Variants in CADPS observed in about 807,000 individuals in gnomAD.
CADPS encodes the protein calcium dependent secretion activator.
A neutral mutation model predicts 167.3 loss-of-function variants in CADPS; 57 were observed. The observed-to-expected ratio is 0.34, with a 90% CI of 0.28 to 0.42. The LOEUF (loss-of-function observed/expected upper bound fraction) is 0.42, where lower values mean the gene tolerates loss of function less well. Ranked by LOEUF, CADPS falls within the 20% of genes least tolerant of loss-of-function variation. The pLI, the probability that CADPS is intolerant of heterozygous loss-of-function variation, is 1.00. For synonymous variants in CADPS, 676 were observed against 635.3 expected, an observed-to-expected ratio of 1.06 and a Z score of -0.96; for missense variants, 1,414 against 1,738.1, an observed-to-expected ratio of 0.81 and a Z score of 3.32.
In CADPS at chr3:62,433,596, T is replaced by C. The variant is rs2054404807; in HGVS notation, c.3777+4508A>G. Among the ~76,000 whole-genome samples the C allele has an allele frequency of 6.6e-6, 1 of 152,154 alleles. No homozygotes were observed. Among genetic ancestry groups the C allele is most frequent in the African/African-American group, 2.4e-5 (1 of 41,430 alleles). On this transcript the variant is annotated intron_variant, in intron 28 of 29. Coordinates refer to ENST00000383710, the MANE Select transcript of CADPS (RefSeq NM_003716.4). The surrounding 1 kb of genome is among the most constrained non-coding windows in gnomAD (Gnocchi z 4.7). ...GCCTGGTTCCCAATGACACGGGGCC[T>C]GAAGAAAGCCAGTGCGGATGCGGCA...
chr3:62,399,497 A>C lies in CADPS; in HGVS notation c.3971T>G (p.Val1324Gly), dbSNP rs1575521539. ...TYETIRNRLT[V>G]EEATASVSEG... ...ACTCACTGATGCTGTGGCTTCCTCC[A>C]CAGTGAGACGGTTCCGGATCGTTTC... Residue 1324 changes from valine to glycine, a missense_variant, in exon 30 of 30, where the codon GTG (valine) becomes GGG (glycine). Physicochemically the swap from Val to Gly is moderately radical, Grantham distance 109. This residue lies in a region of CADPS where 185 missense variants were observed against 251.5 expected (regional missense o/e 0.74). Coordinates refer to ENST00000383710, the MANE Select transcript of CADPS (RefSeq NM_003716.4). This position sits in a 1 kb window ranked among gnomAD's most constrained non-coding sequence, Gnocchi z 5.6. 1 of 1,613,958 alleles carries C rather than the reference A, an allele frequency of 6.2e-7. No homozygotes were observed. Among genetic ancestry groups the C allele is most frequent in the East Asian group, 2.2e-5 (1 of 44,888 alleles).
intron 1 of CADPS, among the ~76,000 whole-genome samples, chr3:62,777,159 G>T (rs563798720): frequency 6.6e-6 from 1 of 152,184 alleles, no homozygotes; most frequent in East Asian, 1.9e-4. Context: ...CACCATCTTG[G>T]GTCTTATAAG....
chr3:62,438,090 A>C lies in CADPS; in HGVS notation c.3777+14T>G. 1 of 1,553,700 alleles carries C rather than the reference A, an allele frequency of 6.4e-7. No homozygotes were observed. Among genetic ancestry groups the C allele is most frequent in the Non-Finnish European group, 8.9e-7 (1 of 1,125,986 alleles). The stretch of plus-strand genomic sequence containing the variant: ...TCCTCCTTGGTTTTCAAGGAGGAGA[A>C]GGCATTTACTTACATCAAATAACCT... On this transcript the variant is annotated intron_variant, in intron 28 of 29. Coordinates refer to ENST00000383710, the MANE Select transcript of CADPS (RefSeq NM_003716.4). The surrounding 1 kb of genome is among the most constrained non-coding windows in gnomAD (Gnocchi z 4.7).
chr3:62,749,024 A>C (rs1052681497), intron 3 of CADPS, among the ~76,000 whole-genome samples: 2 of 147,156 alleles, frequency 1.4e-5, no homozygotes, highest in Non-Finnish European at 2.9e-5. Flanking sequence ...AATTCAACTC[A>C]AATAGCTACA....
In CADPS at chr3:62,753,903, C is replaced by T. The variant is rs1012329368; in HGVS notation, c.556-130G>A. 3.9e-6 allele frequency: 3 copies of T among 769,534 alleles called. No homozygotes were observed. Among genetic ancestry groups the T allele is most frequent in the Non-Finnish European group, 2.1e-6 (1 of 478,928 alleles). The allele number at this position is 769,534 out of a possible 1,614,324, so 47.7% of individuals were successfully genotyped here. A position where few individuals can be genotyped will look rare whatever the true frequency, so the allele number is the denominator to read the frequency against. On this transcript the variant is annotated intron_variant, in intron 2 of 29. Coordinates refer to ENST00000383710, the MANE Select transcript of CADPS (RefSeq NM_003716.4). This position sits in a 1 kb window ranked among gnomAD's most constrained non-coding sequence, Gnocchi z 4.6. ...AGGAACCACTGTGGGTCTCACCCTG[C>T]CCCACCACCTCCTGGCTGTGCAAAC...
At chr3:62,734,978 T>C (rs952048157) in intron 3 of CADPS, among the ~76,000 whole-genome samples, 1 of 152,220 alleles carries the variant, frequency 6.6e-6, no homozygotes, top group South Asian at 2.1e-4. Context: ...TGAAACATTA[T>C]GGATAATATC....
Position 62,550,027 on chromosome 3 carries a change from C to G in CADPS, c.1842G>C (p.Leu614=), listed in dbSNP as rs147719554. The G allele has an allele frequency of 6.2e-6, 10 of 1,614,092 alleles. No homozygotes were observed. The African/African-American group carries it at 1.3e-4, about 22-fold the overall frequency. Residue 614 remains leucine, a synonymous_variant, in exon 11 of 30, where the codon CTG becomes CTC. Coordinates refer to ENST00000383710, the MANE Select transcript of CADPS (RefSeq NM_003716.4). ...TGGCCCGATACATGGCCTGGACCCA[C>G]AGGATGCGGTCTTGTTCATCGTCAC... ...FASDDEQDRI[L]WVQAMYRATG... is the part of the protein sequence containing the mutation.
At chr3:62,846,555 C>A (rs514606) in intron 1 of CADPS, among the ~76,000 whole-genome samples, 1 of 152,116 alleles carries the variant, frequency 6.6e-6, no homozygotes, top group African/African-American at 2.4e-5. Context: ...ACATGATAAA[C>A]GCTTGATTCT....
intron 1 of CADPS, among the ~76,000 whole-genome samples, chr3:62,787,087 A>C (rs1014167302): frequency 1.3e-5 from 2 of 152,194 alleles, no homozygotes; most frequent in African/African-American, 4.8e-5. Flanking sequence ...TGATCTCCGG[A>C]GTTAGAGACT....
chr3:62,713,747 G>C (rs1275428534), intron 3 of CADPS, among the ~76,000 whole-genome samples: 1 of 152,164 alleles, frequency 6.6e-6, no homozygotes, highest in Non-Finnish European at 1.5e-5. Flanking sequence ...CCCTGCATCA[G>C]TGGGACCTGT....
chr3:62,459,416 C>G (rs1331409362), intron 26 of CADPS, among the ~76,000 whole-genome samples: 2 of 152,222 alleles, frequency 1.3e-5, no homozygotes, highest in African/African-American at 4.8e-5. Context: ...ACTGATTGCT[C>G]TTTAACTCCA....
chr3:62,630,198 A>G (rs2149682296), intron 6 of CADPS, among the ~76,000 whole-genome samples: 1 of 152,320 alleles, frequency 6.6e-6, no homozygotes, highest in East Asian at 1.9e-4. Flanking sequence ...TGAATAAGGA[A>G]ACAGGTAACA....
intron 26 of CADPS, among the ~76,000 whole-genome samples, chr3:62,461,010 G>T (rs1046987303): frequency 6.6e-6 from 1 of 152,210 alleles, no homozygotes; most frequent in Non-Finnish European, 1.5e-5. Flanking sequence ...ATAAGGTTCT[G>T]TCTGCTTTGA....
At chr3:62,719,608 A>T (rs1349599481) in intron 3 of CADPS, among the ~76,000 whole-genome samples, 1 of 152,170 alleles carries the variant, frequency 6.6e-6, no homozygotes, top group South Asian at 2.1e-4. Context: ...CACAGTGCCC[A>T]CCTTTAGCAA....
chr3:62,695,625 T>C (rs1374846746), intron 3 of CADPS, among the ~76,000 whole-genome samples: 4 of 152,266 alleles, frequency 2.6e-5, no homozygotes, highest in Middle Eastern at 3.4e-3. Context: ...TAAGTTGTCT[T>C]GTCACTAAAA....
chr3:62,749,211 A>G (rs2082168148), intron 3 of CADPS, among the ~76,000 whole-genome samples: 1 of 152,250 alleles, frequency 6.6e-6, no homozygotes, highest in African/African-American at 2.4e-5. Context: ...AAATTCAGAG[A>G]CATTTGTTAA....
chr3:62,730,215 G>C (rs581316), intron 3 of CADPS, among the ~76,000 whole-genome samples: 48,889 of 151,912 alleles, frequency 0.32, 8,600 homozygotes, highest in African/African-American at 0.46. Context: ...TTCCTACCCC[G>C]GTCCAGTGCT....
chr3:62,440,352 C>G lies in CADPS; in HGVS notation c.3670-2141G>C, dbSNP rs574525638. On this transcript the variant is annotated intron_variant, in intron 27 of 29. Coordinates refer to ENST00000383710, the MANE Select transcript of CADPS (RefSeq NM_003716.4). ...AGAGTTAAAAAAAAACTTCTCTGGGCCTTAGTTATGCTATCTATAAAATGG... is the reference window on the plus strand; with the variant it reads ...AGAGTTAAAAAAAAACTTCTCTGGGGCTTAGTTATGCTATCTATAAAATGG... 3 of 152,244 alleles carry G rather than the reference C, an allele frequency of 2.0e-5. No individual in the cohort carries two copies. The South Asian group carries it at 6.2e-4, about 32-fold the overall frequency. The allele number at this position is 152,244 out of a possible 1,614,324, so 9.4% of individuals were successfully genotyped here. A position where few individuals can be genotyped will look rare whatever the true frequency, so the allele number is the denominator to read the frequency against.
intron 19 of CADPS, 109 bp downstream of exon 19, chr3:62,493,536 G>T: frequency 1.3e-6 from 1 of 791,050 alleles, no homozygotes; most frequent in South Asian, 1.8e-5. Flanking sequence ...TTTGTTCAAT[G>T]GCCAAGCTCT....
Sources: gnomAD v4.1 joint callset for allele counts (sites outside exome capture counted in the v4.1 genomes callset) on GRCh38, gnomAD v4.1.1 for gene constraint, gnomAD v4.1.1 regional missense constraint, Gnocchi (gnomAD v3.1) non-coding constraint, MANE v1.5 for transcripts, NCBI Gene and HGNC (gene_info 2026-07-23, HGNC 2026-07-21) for gene names.